The following CDC123 variants were observed in gnomAD, a reference collection of about 807,000 sequenced individuals.
CDC123 encodes the protein translation initiation factor eIF2 assembly protein.
In CDC123, 37 loss-of-function variants were observed where a neutral mutation model predicts 54.4. The observed-to-expected ratio is 0.68, with a 90% CI of 0.52 to 0.89. The LOEUF is 0.89. Among genes scored for constraint, CDC123 ranks in the 40% least tolerant of loss-of-function variants. The pLI, the probability that CDC123 is intolerant of heterozygous loss-of-function variation, is 0.00. For missense variants in CDC123, 361 were observed against 412.1 expected, an observed-to-expected ratio of 0.88 and a Z score of 1.07; for synonymous variants, 144 against 136.8, an observed-to-expected ratio of 1.05 and a Z score of -0.37.
rs1835438013 is a variant in CDC123 at position 12,201,457 on chromosome 10, G to C, written c.146+2681G>C. On this transcript the variant is annotated intron_variant, in intron 2 of 12. Coordinates refer to ENST00000281141, the MANE Select transcript of CDC123 (RefSeq NM_006023.3). The stretch of plus-strand genomic sequence containing the variant: ...ATCTTTGGAGCCTCTGAGATGTGAA[G>C]ATTGGAGGAATGTAGTCAGTTGAAG... Among the ~76,000 whole-genome samples the C allele has an allele frequency of 2.0e-5, 3 of 152,166 alleles. No individual in the cohort carries two copies. In the South Asian group the frequency reaches 6.2e-4, roughly 32 times the overall value.
Position 12,234,931 on chromosome 10 carries a change from C to CT in CDC123, c.490-110dup, listed in dbSNP as rs1564256711. 6.9e-6 allele frequency: 5 copies of CT among 729,350 alleles called. No individual in the cohort carries two copies. The East Asian group carries it at 7.7e-5, about 11-fold the overall frequency. The allele number at this position is 729,350 out of a possible 1,614,324, so 45.2% of individuals were successfully genotyped here. ...GCCCGGCCAAGAATGTCATATGCCT[C>CT]TTTTTTTAAAACCATTTGATAATGG... On this transcript the variant is annotated intron_variant, in intron 7 of 12. Transcript: ENST00000281141.
In CDC123 at chr10:12,196,239, C is replaced by T. The variant is rs779376119; in HGVS notation, c.-7C>T. On this transcript the variant is annotated 5_prime_UTR_variant, in exon 1 of 13. Transcript: ENST00000281141. ...GAGGGAAAGGCAGCAGCGGCGGCAGCTGGAGGATGAAGAAGGAGCATGTGC... is the reference window on the plus strand; with the variant it reads ...GAGGGAAAGGCAGCAGCGGCGGCAGTTGGAGGATGAAGAAGGAGCATGTGC... 6.2e-7 allele frequency: 1 copy of T among 1,613,914 alleles called. No homozygotes were observed. Among genetic ancestry groups the T allele is most frequent in the South Asian group, 1.1e-5 (1 of 91,068 alleles).
At chr10:12,241,935 T>C (rs899821451) in intron 10 of CDC123, among the ~76,000 whole-genome samples, 7 of 149,658 alleles carry the variant, frequency 4.7e-5, no homozygotes, top group African/African-American at 1.7e-4. Context: ...CCCACAGCAC[T>C]AGAGTTGATA....
chr10:12,227,723 C>G (rs1835845397), intron 6 of CDC123, among the ~76,000 whole-genome samples: 1 of 152,034 alleles, frequency 6.6e-6, no homozygotes, highest in Non-Finnish European at 1.5e-5. Context: ...GTCTCAAACT[C>G]CTGACCTCGT....
At chr10:12,238,011 G>T (rs1326812937) in intron 9 of CDC123, among the ~76,000 whole-genome samples, 2 of 152,228 alleles carry the variant, frequency 1.3e-5, no homozygotes, top group East Asian at 3.9e-4. Context: ...CCAAGACTGG[G>T]CTCTGTGGCA....
Position 12,229,944 on chromosome 10 carries a change from C to G in CDC123, c.441-1004C>G, listed in dbSNP as rs76235089. Among the ~76,000 whole-genome samples, 413 of 151,942 alleles carry G rather than the reference C, an allele frequency of 2.7e-3. 5 individuals are homozygous for G. The East Asian group carries it at 0.057, about 21-fold the overall frequency. On this transcript the variant is annotated intron_variant, in intron 6 of 12. Coordinates refer to ENST00000281141, the MANE Select transcript of CDC123 (RefSeq NM_006023.3). ...TGCTGGCTCCACTGTAAGATGCACACAACAAGAACGTGGACAATGACAGTG... is the reference window on the plus strand; with the variant it reads ...TGCTGGCTCCACTGTAAGATGCACAGAACAAGAACGTGGACAATGACAGTG...
chr10:12,218,042 T>A (rs1835684815), intron 6 of CDC123, among the ~76,000 whole-genome samples: 1 of 152,028 alleles, frequency 6.6e-6, no homozygotes, highest in African/African-American at 2.4e-5. Context: ...TGAGCCGAGA[T>A]TGCGTGCCAC....
intron 7 of CDC123, among the ~76,000 whole-genome samples, chr10:12,231,318 AC>A (rs1835899454): frequency 6.6e-6 from 1 of 152,130 alleles, no homozygotes; most frequent in South Asian, 2.1e-4. Context: ...CACTCACCTT[AC>A]AAATAACTTA....
chr10:12,215,827 G>GC lies in CDC123; in HGVS notation c.329dup (p.Arg111LysfsTer10). 1 of 1,604,792 alleles carries GC rather than the reference G, an allele frequency of 6.2e-7. No individual in the cohort carries two copies. The highest frequency in any genetic ancestry group is 8.5e-7 in the Non-Finnish European group (1 of 1,174,426). ...TGTCTTTCCTAAGCTTAATTGGAGT[G>GC]CCCCAAGGGTAGGAACACATAAGTA... On this transcript the variant is annotated frameshift_variant, in exon 5 of 13. Coordinates refer to ENST00000281141, the MANE Select transcript of CDC123 (RefSeq NM_006023.3). LOFTEE classifies it high-confidence loss of function.
At chr10:12,244,017 C>T (rs1836094974) in intron 10 of CDC123, among the ~76,000 whole-genome samples, 1 of 152,136 alleles carries the variant, frequency 6.6e-6, no homozygotes, top group Non-Finnish European at 1.5e-5. Context: ...TGCAGGGCCT[C>T]TCCTGGGGCT....
intron 6 of CDC123, among the ~76,000 whole-genome samples, chr10:12,225,061 T>C (rs1333241417): frequency 6.6e-6 from 1 of 152,146 alleles, no homozygotes; most frequent in Non-Finnish European, 1.5e-5. Context: ...CAAGAACCCC[T>C]TACAGAGCTT....
At chr10:12,249,848 GAGTT>G (rs1416489184) in intron 12 of CDC123, 130 bp downstream of exon 12, 4 of 1,170,282 alleles carry the variant, frequency 3.4e-6, no homozygotes, top group Non-Finnish European at 3.5e-6. Context: ...CCAAGTTACT[GAGTT>G]AGAGCATTTT....
chr10:12,211,180 A>T (rs764957856), intron 4 of CDC123, among the ~76,000 whole-genome samples: 1 of 152,234 alleles, frequency 6.6e-6, no homozygotes, highest in South Asian at 2.1e-4. Flanking sequence ...AGGTATTTTT[A>T]AAGGAGTGAG....
Position 12,196,227 on chromosome 10 carries a change from C to A in CDC123, c.-19C>A. The stretch of plus-strand genomic sequence containing the variant: ...GTGCAGGCAGGAGAGGGAAAGGCAG[C>A]AGCGGCGGCAGCTGGAGGATGAAGA... On this transcript the variant is annotated 5_prime_UTR_variant, in exon 1 of 13. Transcript: ENST00000281141. The A allele has an allele frequency of 6.2e-7, 1 of 1,613,818 alleles. No individual in the cohort carries two copies. The highest frequency in any genetic ancestry group is 8.5e-7 in the Non-Finnish European group (1 of 1,179,904).
At chr10:12,204,113 A>T (rs1835482332) in intron 2 of CDC123, among the ~76,000 whole-genome samples, 1 of 141,990 alleles carries the variant, frequency 7.0e-6, no homozygotes, top group Non-Finnish European at 1.6e-5. Context: ...AAAAAAAAGT[A>T]TCAGGTATTC....
At chr10:12,198,473 G>A (rs1037117179) in intron 1 of CDC123, among the ~76,000 whole-genome samples, 3 of 152,150 alleles carry the variant, frequency 2.0e-5, no homozygotes, top group Non-Finnish European at 4.4e-5. Flanking sequence ...CCATCTGGTG[G>A]TTTGGATTTG....
At position 12,246,107 on chromosome 10, in the gene CDC123, CAGA is replaced by C. The variant is rs370478043; in HGVS notation, c.718-38_718-36del. On this transcript the variant is annotated intron_variant, in intron 10 of 12. Transcript: ENST00000281141. ...TGTTTCTTTCTCAGAAGACAGAGTA[CAGA>C]AGATGTTTGTTTTTGTTTTTTCTCT... 215 of 1,599,910 alleles carry C rather than the reference CAGA, an allele frequency of 1.3e-4. 1 individual carries two copies. The East Asian group carries it at 3.1e-3, about 23-fold the overall frequency.
chr10:12,226,694 G>A (rs980498318), intron 6 of CDC123, among the ~76,000 whole-genome samples: 3 of 151,728 alleles, frequency 2.0e-5, no homozygotes, highest in Non-Finnish European at 4.4e-5. Flanking sequence ...CATCTCAGAC[G>A]ATGGGTGGCT....
At chr10:12,248,380 A>T (rs1836188256) in intron 11 of CDC123, among the ~76,000 whole-genome samples, 1 of 151,094 alleles carries the variant, frequency 6.6e-6, no homozygotes, top group Non-Finnish European at 1.5e-5. Flanking sequence ...ATGGTGGCAG[A>T]TGCCTGTAAT....
Sources: allele counts gnomAD v4.1 joint callset (sites outside exome capture counted in the v4.1 genomes callset), GRCh38; gene constraint gnomAD v4.1.1; transcripts MANE v1.5; gene names NCBI Gene and HGNC (gene_info 2026-07-23, HGNC 2026-07-21).